The following MCM6 variants were observed in gnomAD, a reference collection of about 807,000 sequenced individuals.
MCM6 encodes the protein DNA replication licensing factor MCM6.
Under a neutral mutation model 94.3 loss-of-function variants are expected in MCM6, and 46 were observed. The observed-to-expected ratio is 0.49, with a 90% confidence interval of 0.39 to 0.62. The LOEUF (loss-of-function observed/expected upper bound fraction) is 0.62. Among genes scored for constraint, MCM6 ranks in the 20% least tolerant of loss-of-function variants. The probability of loss-of-function intolerance (pLI) is 0.00; values close to 1 mark genes in which losing one functional copy is unlikely to be tolerated. For synonymous variants in MCM6, 335 were observed against 351.9 expected (o/e 0.95, Z 0.54); for missense variants, 865 against 1,017.9 (o/e 0.85, Z 2.04).
chr2:135,872,275 G>A (rs1449153893), intron 2 of MCM6, among the ~76,000 whole-genome samples: 2 of 152,032 alleles, frequency 1.3e-5, no homozygotes, highest in Non-Finnish European at 2.9e-5. Flanking sequence ...GTGACACCCC[G>A]TCTCTATTAA....
At chr2:135,874,216 G>A (rs1680254894) in intron 1 of MCM6, among the ~76,000 whole-genome samples, 1 of 152,200 alleles carries the variant, frequency 6.6e-6, no homozygotes, top group Non-Finnish European at 1.5e-5. Flanking sequence ...CCTTTGTAAT[G>A]TGATGTGGTG....
intron 12 of MCM6, among the ~76,000 whole-genome samples, chr2:135,852,567 C>A (rs1679797142): frequency 6.6e-6 from 1 of 151,938 alleles, no homozygotes; most frequent in Admixed American, 6.6e-5. Flanking sequence ...CTTTTTATTA[C>A]CACCAAACAA....
rs749967049 is a variant in MCM6 at position 135,849,287 on chromosome 2, C to T, written c.1918-1099G>A. ...TCCCTGCTTTCTGTCATCATGAAAGCGTATGTCAAGATCAAACCTTTATAT... is the reference window on the plus strand; with the variant it reads ...TCCCTGCTTTCTGTCATCATGAAAGTGTATGTCAAGATCAAACCTTTATAT... On this transcript the variant is annotated intron_variant, in intron 13 of 16. Coordinates refer to ENST00000264156, the MANE Select transcript of MCM6 (RefSeq NM_005915.6). 5.8e-4 allele frequency among the ~76,000 whole-genome samples: 88 copies of T among 152,110 alleles called. 2 individuals carry two copies. The highest frequency in any genetic ancestry group is 1.6e-4 in the Non-Finnish European group (11 of 68,028).
At chr2:135,850,779 T>C (rs996038988) in intron 13 of MCM6, among the ~76,000 whole-genome samples, 3 of 152,074 alleles carry the variant, frequency 2.0e-5, no homozygotes, top group African/African-American at 7.2e-5. Flanking sequence ...GTGAAAAAAC[T>C]CACCATGCCA....
At chr2:135,853,184 C>T (rs1015460190) in intron 11 of MCM6, among the ~76,000 whole-genome samples, 1 of 152,158 alleles carries the variant, frequency 6.6e-6, no homozygotes, top group Non-Finnish European at 1.5e-5. Context: ...CAGTGGCTCA[C>T]ACTTGTAATC....
chr2:135,875,850 A>G (rs1408220444), intron 1 of MCM6, among the ~76,000 whole-genome samples: 1 of 152,204 alleles, frequency 6.6e-6, no homozygotes, highest in Non-Finnish European at 1.5e-5. Flanking sequence ...TGCGTGGCCC[A>G]GCAGGGCACC....
At chr2:135,872,219 G>T (rs567029738) in intron 2 of MCM6, among the ~76,000 whole-genome samples, 1 of 152,290 alleles carries the variant, frequency 6.6e-6, no homozygotes, top group Admixed American at 6.5e-5. Context: ...GCCGAGGCGG[G>T]CGGATCACCT....
chr2:135,862,865 A>G, intron 7 of MCM6, 117 bp from the exon 8 acceptor site: 1 of 1,041,412 alleles, frequency 9.6e-7, no homozygotes, highest in Non-Finnish European at 1.4e-6. Flanking sequence ...GCTAAAGCAA[A>G]GCATAAAACT....
Position 135,869,479 on chromosome 2 carries a change from T to TA in MCM6, c.366-620dup, listed in dbSNP as rs199834308. Among the ~76,000 whole-genome samples, 599 of 145,510 alleles carry TA rather than the reference T, an allele frequency of 4.1e-3. 4 individuals are homozygous for TA. Among genetic ancestry groups the TA allele is most frequent in the African/African-American group, 0.013 (504 of 39,738 alleles). On this transcript the variant is annotated intron_variant, in intron 3 of 16. Transcript: ENST00000264156. ...TACTTTTTTGCTTACCCGCAATTTC[T>TA]AAAAAAAAAAGCATGTGTTACATAA...
chr2:135,860,839 T>C (rs1679977142), intron 8 of MCM6, among the ~76,000 whole-genome samples: 1 of 152,228 alleles, frequency 6.6e-6, no homozygotes, highest in South Asian at 2.1e-4. Flanking sequence ...ATGTCTGCTC[T>C]TGCCACTTCT....
At chr2:135,864,232 T>C (rs932247901) in intron 7 of MCM6, among the ~76,000 whole-genome samples, 35 of 152,212 alleles carry the variant, frequency 2.3e-4, no homozygotes, top group African/African-American at 8.0e-4. Context: ...ATTTTAGTCA[T>C]AGCCTTCAAA....
Position 135,859,426 on chromosome 2 carries a change from T to C in MCM6, c.1237A>G (p.Ser413Gly). ...SQFLKHVEEF[S>G]PRAVYTSGKA... ...CCACTGGTGTAGACAGCTCTGGGGCTGAACTCCTCCACGTGCCTGTTCAAG... is the reference window on the plus strand; with the variant it reads ...CCACTGGTGTAGACAGCTCTGGGGCCGAACTCCTCCACGTGCCTGTTCAAG... Residue 413 changes from serine (S) to glycine (G), a missense_variant, in exon 9 of 17, where the codon AGC becomes GGC. Physicochemically the swap from Ser to Gly is moderately conservative, Grantham distance 56. Around this residue, in one of 3 missense-constraint regions of MCM6, gnomAD observed 153 missense variants for 241.5 expected, o/e 0.63. Coordinates refer to ENST00000264156, the MANE Select transcript of MCM6 (RefSeq NM_005915.6). 1 of 1,611,582 alleles carries C rather than the reference T, an allele frequency of 6.2e-7. No individual in the cohort carries two copies. The highest frequency in any genetic ancestry group is 8.5e-7 in the Non-Finnish European group (1 of 1,178,864).
At chr2:135,841,357 TACC>T (rs1470278818) in intron 16 of MCM6, among the ~76,000 whole-genome samples, 1 of 152,112 alleles carries the variant, frequency 6.6e-6, no homozygotes, top group Non-Finnish European at 1.5e-5. Flanking sequence ...CTTTTTCATA[TACC>T]ACCATTTCAT....
intron 11 of MCM6, among the ~76,000 whole-genome samples, chr2:135,853,566 G>A (rs1367822462): frequency 4.6e-5 from 7 of 152,100 alleles, no homozygotes; most frequent in Non-Finnish European, 8.8e-5. Flanking sequence ...ATTTTATTAG[G>A]TAAATGATAT....
intron 1 of MCM6, among the ~76,000 whole-genome samples, chr2:135,873,091 A>C (rs943357559): frequency 3.9e-5 from 6 of 152,134 alleles, no homozygotes; most frequent in Admixed American, 3.9e-4. Context: ...CATGGGGACA[A>C]GTCTTTCCCC....
intron 1 of MCM6, 66 bp from the exon 2 acceptor site, chr2:135,872,909 C>T: frequency 6.4e-7 from 1 of 1,572,152 alleles, no homozygotes; most frequent in South Asian, 1.2e-5. Context: ...AATGATAATT[C>T]AGAACATTGG....
chr2:135,862,565 T>C, intron 8 of MCM6, 42 bp downstream of exon 8: 3 of 1,611,324 alleles, frequency 1.9e-6, no homozygotes, highest in Middle Eastern at 1.7e-4. Context: ...CTGGGAACTA[T>C]GTACACTTTT....
intron 3 of MCM6, among the ~76,000 whole-genome samples, chr2:135,869,875 C>CA (rs1316493075): frequency 6.6e-6 from 1 of 152,192 alleles, no homozygotes; most frequent in Non-Finnish European, 1.5e-5. Flanking sequence ...CAACACTAAA[C>CA]TTTCTGGATA....
chr2:135,858,060 C>T, intron 9 of MCM6, 56 bp from the exon 10 acceptor site: 1 of 1,496,698 alleles, frequency 6.7e-7, no homozygotes, highest in African/African-American at 1.4e-5. Flanking sequence ...ATGCATGGCT[C>T]ACACTTGTAA....
Sources: gnomAD v4.1 joint callset for allele counts (sites outside exome capture counted in the v4.1 genomes callset) on GRCh38, gnomAD v4.1.1 for gene constraint, gnomAD v4.1.1 regional missense constraint, MANE v1.5 for transcripts, NCBI Gene and HGNC (gene_info 2026-07-23, HGNC 2026-07-21) for gene names.